DCAF8L2: variants seen among roughly 807,000 people sequenced by gnomAD.
The protein encoded by DCAF8L2 is DDB1 and CUL4 associated factor 8 like 2, also known as DDB1- and CUL4-associated factor 8-like protein 2.
For missense variants in DCAF8L2, 430 were observed against 490.7 expected (o/e 0.88, Z 1.17); for synonymous variants, 200 against 190.9 (o/e 1.05, Z -0.39).
chrX:27,585,513 C>T (rs749840157), upstream of DCAF8L2, among the ~76,000 whole-genome samples: 2 of 112,042 alleles, frequency 1.8e-5, no homozygotes, highest in East Asian at 5.7e-4. Context: ...TGGTTTCCAC[C>T]ACCATCTAAA....
At chrX:27,486,152 T>C in the DCAF8L2 span, among the ~76,000 whole-genome samples, 1 of 107,722 alleles carries the variant, frequency 9.3e-6, no homozygotes, top group African/African-American at 3.4e-5. Context: ...ATTATAGTCA[T>C]GAGCCACCAT....
At chrX:27,715,864 T>C (rs1158929454) in intron 3 of DCAF8L2, among the ~76,000 whole-genome samples, 1 of 112,184 alleles carries the variant, frequency 8.9e-6, no homozygotes, top group African/African-American at 3.2e-5. Flanking sequence ...TAGTCCTTTC[T>C]TCAGAATGGA....
chrX:27,737,522 G>A (rs73628827), intron 4 of DCAF8L2, among the ~76,000 whole-genome samples: 1 of 111,366 alleles, frequency 9.0e-6, no homozygotes, highest in African/African-American at 3.3e-5. Flanking sequence ...GCTATGTGCT[G>A]CTCTGTTGTT....
the DCAF8L2 span, among the ~76,000 whole-genome samples, chrX:27,555,023 T>C: frequency 9.0e-6 from 1 of 111,215 alleles, no homozygotes; most frequent in South Asian, 3.8e-4. Flanking sequence ...AATCAGCCAA[T>C]CCCAGTCTGT....
At chrX:27,646,651 T>C (rs1569170631) in intron 2 of DCAF8L2, among the ~76,000 whole-genome samples, 1 of 111,024 alleles carries the variant, frequency 9.0e-6, no homozygotes, top group East Asian at 2.8e-4. Flanking sequence ...ATTTTTGCAA[T>C]CTATCCATCT....
the DCAF8L2 span, among the ~76,000 whole-genome samples, chrX:27,474,877 C>G: frequency 1.8e-5 from 2 of 110,672 alleles, no homozygotes; most frequent in Admixed American, 9.6e-5. Context: ...CTTCTCTGGC[C>G]CAGGCACTAT....
At chrX:27,542,367 T>G in the DCAF8L2 span, among the ~76,000 whole-genome samples, 1 of 110,295 alleles carries the variant, frequency 9.1e-6, no homozygotes, top group Non-Finnish European at 1.9e-5. Flanking sequence ...GCACATTTTG[T>G]TTTTTGACTT....
chrX:27,665,127 G>A (rs1317501023), intron 2 of DCAF8L2, among the ~76,000 whole-genome samples: 2 of 110,234 alleles, frequency 1.8e-5, no homozygotes, highest in African/African-American at 3.3e-5. Context: ...ATAAATCTGG[G>A]CAAAGCAAAT....
the DCAF8L2 span, among the ~76,000 whole-genome samples, chrX:27,497,549 C>CTTCTTTCTTTCTTTCTTTCTTTCT: frequency 1.6e-5 from 1 of 64,445 alleles, no homozygotes; most frequent in African/African-American, 8.8e-5. Context: ...TCCTTCCTTC[C>CTTCTTTCTTTCTTTCTTTCTTTCT]TTCTTTCTTT....
chrX:27,663,869 T>A, intron 2 of DCAF8L2, among the ~76,000 whole-genome samples: 1 of 98,332 alleles, frequency 1.0e-5, no homozygotes, highest in African/African-American at 3.7e-5. Flanking sequence ...GGCTAATTTT[T>A]TTTTTTTTTT....
chrX:27,671,244 AC>A (rs1299742852), intron 2 of DCAF8L2, among the ~76,000 whole-genome samples: 2 of 112,202 alleles, frequency 1.8e-5, no homozygotes, highest in Non-Finnish European at 3.8e-5. Context: ...GCTACTGAGT[AC>A]CTTTCTACAT....
the DCAF8L2 span, among the ~76,000 whole-genome samples, chrX:27,541,233 T>C: frequency 8.9e-6 from 1 of 112,067 alleles, no homozygotes; most frequent in East Asian, 2.8e-4. Context: ...CATGTAGAAA[T>C]ATGATCTGAC....
the DCAF8L2 span, among the ~76,000 whole-genome samples, chrX:27,558,468 A>G: frequency 9.0e-6 from 1 of 111,520 alleles, no homozygotes; most frequent in Non-Finnish European, 1.9e-5. Context: ...ATTGGGTATA[A>G]TAAGTGTTTG....
At chrX:27,481,267 A>G in the DCAF8L2 span, among the ~76,000 whole-genome samples, 1 of 110,447 alleles carries the variant, frequency 9.1e-6, no homozygotes, top group African/African-American at 3.3e-5. Context: ...AATCCCAGCT[A>G]CTCAGGAGGC....
the DCAF8L2 span, among the ~76,000 whole-genome samples, chrX:27,583,502 T>C: frequency 9.0e-6 from 1 of 111,001 alleles, no homozygotes; most frequent in African/African-American, 3.3e-5. Context: ...AGCTAGGAAA[T>C]GAAGTCTTGC....
the DCAF8L2 span, among the ~76,000 whole-genome samples, chrX:27,576,686 C>T: frequency 9.0e-6 from 1 of 111,660 alleles, no homozygotes; most frequent in Non-Finnish European, 1.9e-5. Flanking sequence ...AAGAAAAAAA[C>T]TTTTAAAAAC....
At chrX:27,645,017 A>C (rs1189263908) in intron 2 of DCAF8L2, among the ~76,000 whole-genome samples, 1 of 112,034 alleles carries the variant, frequency 8.9e-6, no homozygotes, top group African/African-American at 3.2e-5. Context: ...CAGCCTCCTA[A>C]AGTGCTGGGA....
the DCAF8L2 span, among the ~76,000 whole-genome samples, chrX:27,471,557 A>G: frequency 9.0e-6 from 1 of 110,779 alleles, no homozygotes; most frequent in Non-Finnish European, 1.9e-5. Context: ...ATATTTTCAT[A>G]TCTCCTTCCT....
At chrX:27,480,825 A>G in the DCAF8L2 span, among the ~76,000 whole-genome samples, 2 of 111,690 alleles carry the variant, frequency 1.8e-5, no homozygotes, top group African/African-American at 6.5e-5. Context: ...CAGGCCACTC[A>G]AACTGGTTAA....
Sources: allele counts gnomAD v4.1 joint callset (sites outside exome capture counted in the v4.1 genomes callset), GRCh38; gene constraint gnomAD v4.1.1; transcripts MANE v1.5; gene names NCBI Gene and HGNC (gene_info 2026-07-23, HGNC 2026-07-21).